The following PCDHA4 variants were observed in gnomAD, a reference collection of about 807,000 sequenced individuals.
The protein encoded by PCDHA4 is protocadherin alpha-4.
PCDHA4 carries 49 observed loss-of-function variants against 61.4 expected under a neutral mutation model. The ratio of observed to expected loss-of-function variants is 0.80; its 90% CI spans 0.63 to 1.01. PCDHA4 has a LOEUF of 1.01. Ranked by LOEUF, PCDHA4 falls within the 50% of genes least tolerant of loss-of-function variation. The pLI is 0.00. For synonymous variants in PCDHA4, 590 were observed against 550.3 expected (o/e 1.07, Z -1.01); for missense variants, 1,254 against 1,235.8 (o/e 1.01, Z -0.22).
At chr5:140,953,333 G>T (rs1164031991) in intron 1 of PCDHA4, among the ~76,000 whole-genome samples, 1 of 151,962 alleles carries the variant, frequency 6.6e-6, no homozygotes, top group East Asian at 1.9e-4. Flanking sequence ...TAGAATTTAG[G>T]GCTCACCTTC....
At chr5:140,858,581 T>A in intron 1 of PCDHA4, 1 of 1,350,098 alleles carries the variant, frequency 7.4e-7, no homozygotes, top group Non-Finnish European at 1.0e-6. Flanking sequence ...CTTTGTAATA[T>A]AATTTATTCC....
Position 140,974,355 on chromosome 5 carries a change from C to T in PCDHA4, c.2386-4594C>T, listed in dbSNP as rs113314336. Among the ~76,000 whole-genome samples the T allele has an allele frequency of 6.8e-3, 1,038 of 152,272 alleles. 15 individuals are homozygous for T. The highest frequency in any genetic ancestry group is 0.024 in the African/African-American group (1,003 of 41,550). ...AGCAGGCTATGCATCCAGAACTAAA[C>T]AGACCTAGCACTTTCTGTTGTACTG... is the stretch of plus-strand genomic sequence containing the variant. On this transcript the variant is annotated intron_variant, in intron 1 of 3. Transcript: ENST00000530339.
chr5:140,819,007 T>C (rs1285743975), intron 1 of PCDHA4, among the ~76,000 whole-genome samples: 1 of 152,248 alleles, frequency 6.6e-6, no homozygotes, highest in East Asian at 1.9e-4. Context: ...ACAGAGGATA[T>C]ATAATATGGA....
At chr5:140,828,717 A>G in intron 1 of PCDHA4, 7 of 1,614,226 alleles carry the variant, frequency 4.3e-6, no homozygotes, top group Non-Finnish European at 5.9e-6. Context: ...CCTGCACACA[A>G]CTTATTCCTG....
At position 140,809,379 on chromosome 5, in the gene PCDHA4, CG is replaced by C; in HGVS notation, c.2193del (p.Cys732AlafsTer78). Reference sequence around the variant, plus strand: ...TGCTCTGCGCTGCCCACCGAGGGCGCGTGCGCTCCGGGCAAGCCCACGCTGG... The same window carrying C: ...TGCTCTGCGCTGCCCACCGAGGGCGCTGCGCTCCGGGCAAGCCCACGCTGG... ...LRCSALPTEG[A>X]CAPGKPTLVC... On this transcript the variant is annotated frameshift_variant, in exon 1 of 4. Transcript: ENST00000530339. LOFTEE classifies it high-confidence loss of function. The C allele has an allele frequency of 6.2e-7, 1 of 1,614,006 alleles. No homozygotes were observed. The highest frequency in any genetic ancestry group is 1.7e-5 in the Admixed American group (1 of 60,016).
chr5:140,847,566 G>A (rs1309857788), intron 1 of PCDHA4: 2 of 149,184 alleles, frequency 1.3e-5, no homozygotes, highest in African/African-American at 4.9e-5. Context: ...ATTGCCCCGA[G>A]TACTAAGGAT....
At chr5:140,927,258 T>C in intron 1 of PCDHA4, 1 of 1,613,878 alleles carries the variant, frequency 6.2e-7, no homozygotes, top group Non-Finnish European at 8.5e-7. Context: ...ACAACTCACC[T>C]CTCTTTCCTG....
intron 1 of PCDHA4, chr5:140,883,984 C>G: frequency 6.2e-7 from 1 of 1,612,820 alleles, no homozygotes; most frequent in East Asian, 2.2e-5. Flanking sequence ...GGGCTGGCAG[C>G]GCGGGAGGCA....
In PCDHA4 at chr5:140,869,649, A is replaced by G. The variant is rs1446407712; in HGVS notation, c.2385+60077A>G. ...AAAATGAGTATTTTTCTTTAGATTC[A>G]CCAACAAATGGTAAGCAGATTAAAA... On this transcript the variant is annotated intron_variant, in intron 1 of 3. Transcript: ENST00000530339. 4.3e-6 allele frequency: 7 copies of G among 1,613,476 alleles called. No individual in the cohort carries two copies. In the African/African-American group the frequency reaches 6.7e-5, roughly 15 times the overall value.
At position 141,011,529 on chromosome 5, in the gene PCDHA4, G is replaced by A. The variant is rs2098420955; in HGVS notation, c.*1592G>A. On this transcript the variant is annotated 3_prime_UTR_variant, in exon 4 of 4. Coordinates refer to ENST00000530339, the MANE Select transcript of PCDHA4 (RefSeq NM_018907.4). ...GTGGAGTAGTGTTTTTTTAACCATT[G>A]TTAATCAGCTTTTGTGTATGAAAGA... 1.3e-5 allele frequency: 2 copies of A among 153,538 alleles called. No homozygotes were observed. The highest frequency in any genetic ancestry group is 3.9e-4 in the East Asian group (2 of 5,188). The allele number at this position is 153,538 out of a possible 1,614,324, so 9.5% of individuals were successfully genotyped here.
chr5:140,817,485 T>C (rs1211625113), intron 1 of PCDHA4: 1 of 152,254 alleles, frequency 6.6e-6, no homozygotes, highest in Non-Finnish European at 1.5e-5. Context: ...GTTATCTTTT[T>C]AAGCTATATA....
At chr5:140,907,590 C>A (rs924020141) in intron 1 of PCDHA4, among the ~76,000 whole-genome samples, 11 of 152,210 alleles carry the variant, frequency 7.2e-5, no homozygotes, top group Non-Finnish European at 1.6e-4. Flanking sequence ...TGGCTGATCA[C>A]CCTGAGGAAT....
intron 1 of PCDHA4, chr5:140,856,826 G>A (rs370105926): frequency 3.8e-6 from 6 of 1,592,454 alleles, no homozygotes; most frequent in Non-Finnish European, 4.3e-6. Flanking sequence ...CCAAACATTA[G>A]TAATACGGCT....
At chr5:140,946,092 G>T (rs985293430) in intron 1 of PCDHA4, among the ~76,000 whole-genome samples, 1 of 151,914 alleles carries the variant, frequency 6.6e-6, no homozygotes, top group Non-Finnish European at 1.5e-5. Context: ...CTGATAAGGA[G>T]TTAACATACC....
chr5:140,946,377 T>C (rs1554217528), intron 1 of PCDHA4, among the ~76,000 whole-genome samples: 1 of 151,764 alleles, frequency 6.6e-6, no homozygotes, highest in African/African-American at 2.4e-5. Flanking sequence ...TTGCACACGG[T>C]TGGTAGGAAT....
At chr5:140,906,693 G>T (rs887867103) in intron 1 of PCDHA4, among the ~76,000 whole-genome samples, 3 of 152,082 alleles carry the variant, frequency 2.0e-5, no homozygotes, top group African/African-American at 7.2e-5. Flanking sequence ...GAAGGATCTG[G>T]GCCATTTGTA....
intron 1 of PCDHA4, among the ~76,000 whole-genome samples, chr5:140,838,140 G>A (rs1775567659): frequency 6.9e-6 from 1 of 145,908 alleles, no homozygotes; most frequent in Admixed American, 6.9e-5. Context: ...GTTTGACAGA[G>A]TTTTACTCTG....
intron 1 of PCDHA4, among the ~76,000 whole-genome samples, chr5:140,913,735 G>A (rs1416656981): frequency 6.6e-6 from 1 of 151,834 alleles, no homozygotes; most frequent in Non-Finnish European, 1.5e-5. Context: ...CCCTCTAATA[G>A]TACTCCTTTT....
chr5:140,856,428 A>T, intron 1 of PCDHA4: 1 of 1,598,400 alleles, frequency 6.3e-7, no homozygotes, highest in South Asian at 1.1e-5. Flanking sequence ...GACATTAACG[A>T]CAACCCGCCC....
Sources: gnomAD v4.1 joint callset for allele counts (sites outside exome capture counted in the v4.1 genomes callset) on GRCh38, gnomAD v4.1.1 for gene constraint, MANE v1.5 for transcripts, NCBI Gene and HGNC (gene_info 2026-07-23, HGNC 2026-07-21) for gene names.